The following PTGER3 variants were observed in gnomAD, a reference collection of about 807,000 sequenced individuals.
PTGER3 encodes prostaglandin E receptor 3, also known as prostaglandin E2 receptor EP3 subtype.
In PTGER3, 22 loss-of-function variants were observed where a neutral mutation model predicts 34.7. The observed-to-expected ratio is 0.63, with a 90% CI of 0.45 to 0.91. PTGER3 has a LOEUF of 0.91. Ranked by LOEUF, PTGER3 falls within the 40% of genes least tolerant of loss-of-function variation. PTGER3 has a pLI of 0.00. For synonymous variants in PTGER3, 241 were observed against 230.1 expected, an observed-to-expected ratio of 1.05 and a Z score of -0.43; for missense variants, 468 against 519.4, an observed-to-expected ratio of 0.90 and a Z score of 0.96.
chr1:71,041,697 T>C (rs1660325742), intron 1 of PTGER3, among the ~76,000 whole-genome samples: 1 of 152,192 alleles, frequency 6.6e-6, no homozygotes, highest in Admixed American at 6.5e-5. Flanking sequence ...TCCTGTCTTT[T>C]TGTAAAGCAA....
chr1:70,989,026 T>G (rs1331144114), intron 2 of PTGER3, among the ~76,000 whole-genome samples: 1 of 151,956 alleles, frequency 6.6e-6, no homozygotes, highest in African/African-American at 2.4e-5. Flanking sequence ...ATTGTTTGCA[T>G]GTAATTCCCC....
At chr1:71,037,664 G>T (rs1244667040) in intron 1 of PTGER3, among the ~76,000 whole-genome samples, 1 of 152,186 alleles carries the variant, frequency 6.6e-6, no homozygotes, top group African/African-American at 2.4e-5. Context: ...TACAGGAAGT[G>T]AGAACTGAAA....
At chr1:70,904,754 A>C (rs1183240112) in intron 4 of PTGER3, among the ~76,000 whole-genome samples, 1 of 152,216 alleles carries the variant, frequency 6.6e-6, no homozygotes, top group Non-Finnish European at 1.5e-5. Context: ...AGAGCATAAA[A>C]GTTCAGAAAA....
intron 4 of PTGER3, among the ~76,000 whole-genome samples, chr1:70,865,446 A>T (rs562281047): frequency 6.6e-6 from 1 of 152,296 alleles, no homozygotes; most frequent in South Asian, 2.1e-4. Context: ...AGGAATTAAC[A>T]GTGGACACAG....
intron 2 of PTGER3, among the ~76,000 whole-genome samples, chr1:70,991,920 C>T (rs1655518490): frequency 6.6e-6 from 1 of 151,974 alleles, no homozygotes; most frequent in Non-Finnish European, 1.5e-5. Context: ...TATGGTGGAT[C>T]CTATAAGGTT....
At chr1:70,885,886 G>A (rs780087495) in intron 4 of PTGER3, among the ~76,000 whole-genome samples, 4 of 152,182 alleles carry the variant, frequency 2.6e-5, no homozygotes, top group Non-Finnish European at 5.9e-5. Flanking sequence ...TTTCAAAGGG[G>A]ATATTCTTGC....
At chr1:71,006,748 G>A in intron 2 of PTGER3, 1 of 985,172 alleles carries the variant, frequency 1.0e-6, no homozygotes, top group Non-Finnish European at 1.2e-6. Context: ...GCATTACATT[G>A]TGCTATTATT....
chr1:71,047,729 G>A lies in PTGER3; in HGVS notation c.-152C>T. Reference sequence around the variant, plus strand: ...GGCGCAGCCGCCGCCCTACTCCGCTGCTGGGACCGCGGCCGCGGCGGCGCC... The same window carrying A: ...GGCGCAGCCGCCGCCCTACTCCGCTACTGGGACCGCGGCCGCGGCGGCGCC... On this transcript the variant is annotated 5_prime_UTR_variant, in exon 1 of 4. Transcript: ENST00000306666. 8.8e-6 allele frequency: 7 copies of A among 793,026 alleles called. No individual in the cohort carries two copies. Among genetic ancestry groups the A allele is most frequent in the Non-Finnish European group, 1.2e-5 (7 of 584,292 alleles). The allele number at this position is 793,026 out of a possible 1,614,324, so 49.1% of individuals were successfully genotyped here.
chr1:70,982,866 A>C (rs562762198), intron 2 of PTGER3, among the ~76,000 whole-genome samples: 53 of 152,266 alleles, frequency 3.5e-4, no homozygotes, highest in Admixed American at 6.5e-4. Flanking sequence ...TAGAGTTGTT[A>C]ATTGGCTTAA....
At chr1:70,986,824 T>G (rs893055051) in intron 2 of PTGER3, among the ~76,000 whole-genome samples, 15 of 152,192 alleles carry the variant, frequency 9.9e-5, no homozygotes, top group African/African-American at 3.4e-4. Context: ...TCAAAGAGAC[T>G]GAATTAACCC....
chr1:70,990,848 T>C (rs936527836), intron 2 of PTGER3, among the ~76,000 whole-genome samples: 1 of 152,138 alleles, frequency 6.6e-6, no homozygotes, highest in African/African-American at 2.4e-5. Context: ...TTAATATTAA[T>C]GGCAATAAAA....
At chr1:70,910,520 C>T (rs1269637597) in intron 4 of PTGER3, among the ~76,000 whole-genome samples, 1 of 152,168 alleles carries the variant, frequency 6.6e-6, no homozygotes, top group Non-Finnish European at 1.5e-5. Flanking sequence ...GTGATTCTCT[C>T]ACCTCAGTCT....
chr1:70,882,207 T>G (rs1218610366), intron 4 of PTGER3, among the ~76,000 whole-genome samples: 1 of 152,192 alleles, frequency 6.6e-6, no homozygotes, highest in African/African-American at 2.4e-5. Flanking sequence ...TTGTCCCCCT[T>G]GGCTACCATT....
chr1:71,039,667 A>AG (rs963298681), intron 1 of PTGER3, among the ~76,000 whole-genome samples: 2 of 151,228 alleles, frequency 1.3e-5, no homozygotes, highest in African/African-American at 4.9e-5. Flanking sequence ...AAAAAAAAAA[A>AG]AAAGAAAAAA....
chr1:70,940,794 A>C (rs1649686969), intron 4 of PTGER3, among the ~76,000 whole-genome samples: 1 of 152,208 alleles, frequency 6.6e-6, no homozygotes, highest in African/African-American at 2.4e-5. Context: ...GTGGGGACAC[A>C]GACAAACCAT....
intron 2 of PTGER3, among the ~76,000 whole-genome samples, chr1:71,003,248 C>A (rs1656649197): frequency 6.6e-6 from 1 of 152,146 alleles, no homozygotes; most frequent in Non-Finnish European, 1.5e-5. Context: ...TAAGGTCATC[C>A]CTGCCACTTG....
chr1:70,925,731 A>G (rs1013704525), intron 4 of PTGER3, among the ~76,000 whole-genome samples: 1 of 152,184 alleles, frequency 6.6e-6, no homozygotes, highest in African/African-American at 2.4e-5. Flanking sequence ...AACAAATGAA[A>G]TTTATCTTAA....
In PTGER3 at chr1:70,909,800, A is replaced by G. The variant is rs375797574; in HGVS notation, c.*23+43963T>C. On this transcript the variant is annotated intron_variant, in intron 4 of 4. Transcript: ENST00000370931. ...TGTGCCACATGGGATATTACAAGAA[A>G]GGAAAAGAAAAATGTTTCAAGAAGG... is the stretch of plus-strand genomic sequence containing the variant. Among the ~76,000 whole-genome samples the G allele has an allele frequency of 1.8e-3, 269 of 152,334 alleles. 1 individual carries two copies. Among genetic ancestry groups the G allele is most frequent in the South Asian group, 4.1e-3 (20 of 4,828 alleles).
chr1:70,899,078 G>A (rs1007049874), intron 4 of PTGER3, among the ~76,000 whole-genome samples: 1 of 152,158 alleles, frequency 6.6e-6, no homozygotes, highest in African/African-American at 2.4e-5. Flanking sequence ...TGGATTTGTT[G>A]CTGAAAGATT....
Sources: gnomAD v4.1 joint callset for allele counts (sites outside exome capture counted in the v4.1 genomes callset) on GRCh38, gnomAD v4.1.1 for gene constraint, MANE v1.5 for transcripts, NCBI Gene and HGNC (gene_info 2026-07-23, HGNC 2026-07-21) for gene names.